The following MEMO1 variants were observed in gnomAD, a reference collection of about 807,000 sequenced individuals.
MEMO1 encodes the protein protein MEMO1.
In MEMO1, 6 loss-of-function variants were observed where a neutral mutation model predicts 45.2. The ratio of observed to expected loss-of-function variants is 0.13; its 90% CI spans 0.07 to 0.26. The LOEUF (loss-of-function observed/expected upper bound fraction) is 0.26, where lower values mean the gene tolerates loss of function less well. Among genes scored for constraint, MEMO1 ranks in the 10% least tolerant of loss-of-function variants. MEMO1 has a pLI of 1.00. For synonymous variants in MEMO1, 78 were observed against 124.3 expected, an observed-to-expected ratio of 0.63 and a Z score of 2.48; for missense variants, 184 against 370.5, an observed-to-expected ratio of 0.50 and a Z score of 4.13.
intron 2 of MEMO1, among the ~76,000 whole-genome samples, chr2:31,945,768 A>G (rs1666124284): frequency 6.6e-6 from 1 of 152,202 alleles, no homozygotes; most frequent in South Asian, 2.1e-4. Flanking sequence ...GTAAAATTAC[A>G]TCCTGTCATA....
At chr2:31,961,729 G>T (rs967732339) in intron 2 of MEMO1, among the ~76,000 whole-genome samples, 1 of 151,864 alleles carries the variant, frequency 6.6e-6, no homozygotes, top group African/African-American at 2.4e-5. Context: ...AGTGACCCAA[G>T]ATCGTGCTAC....
chr2:32,009,934 C>A (rs1674622063), intron 2 of MEMO1, among the ~76,000 whole-genome samples: 1 of 151,756 alleles, frequency 6.6e-6, no homozygotes, highest in South Asian at 2.1e-4. Context: ...GGCAACTCTC[C>A]CTCTCGCCCA....
intron 5 of MEMO1, among the ~76,000 whole-genome samples, chr2:31,920,469 C>G (rs180703676): frequency 6.6e-6 from 1 of 152,130 alleles, no homozygotes; most frequent in Non-Finnish European, 1.5e-5. Flanking sequence ...AATTAACACG[C>G]CCAGAATCTT....
intron 6 of MEMO1, among the ~76,000 whole-genome samples, chr2:31,903,809 A>C (rs1334706199): frequency 6.6e-6 from 1 of 152,218 alleles, no homozygotes; most frequent in Non-Finnish European, 1.5e-5. Context: ...TATAAAAGTC[A>C]CAGAAAAAGA....
At chr2:31,925,499 A>AAAAAAAC (rs1558507966) in intron 4 of MEMO1, among the ~76,000 whole-genome samples, 2 of 149,376 alleles carry the variant, frequency 1.3e-5, no homozygotes, top group African/African-American at 4.9e-5. Context: ...AAAAAAAAAA[A>AAAAAAAC]TCTGTTCCCG....
Position 31,869,860 on chromosome 2 carries a change from C to G in MEMO1, c.750G>C (p.Gly250=), listed in dbSNP as rs772895432. ...TAAGGATACTCACATTTAATAACACCCCAATGGGATGTCTTCCACATATAG... is the reference window on the plus strand; with the variant it reads ...TAAGGATACTCACATTTAATAACACGCCAATGGGATGTCTTCCACATATAG... The part of the protein sequence containing the change: ...HNTICGRHPI[G]VLLNAITELQ... The change falls in exon 9 of 10, where the codon GGG becomes GGC. Residue 250 remains glycine (G), a synonymous_variant. Transcript: ENST00000404530. 1 of 1,575,954 alleles carries G rather than the reference C, an allele frequency of 6.3e-7. No individual in the cohort carries two copies. The highest frequency in any genetic ancestry group is 8.6e-7 in the Non-Finnish European group (1 of 1,167,736).
At chr2:31,970,339 T>C (rs190702135) in intron 2 of MEMO1, among the ~76,000 whole-genome samples, 1 of 152,298 alleles carries the variant, frequency 6.6e-6, no homozygotes, top group East Asian at 1.9e-4. Context: ...CACGACAATT[T>C]TACGTTTGCT....
chr2:31,929,747 A>G (rs1683668819), intron 4 of MEMO1, among the ~76,000 whole-genome samples: 1 of 152,222 alleles, frequency 6.6e-6, no homozygotes, highest in South Asian at 2.1e-4. Flanking sequence ...ACAAAAATGG[A>G]TTAATGTGGA....
chr2:31,896,426 G>C (rs1227324186), intron 6 of MEMO1, among the ~76,000 whole-genome samples: 1 of 152,156 alleles, frequency 6.6e-6, no homozygotes, highest in Non-Finnish European at 1.5e-5. Context: ...TATAGCAACT[G>C]CTCAACAGTT....
At position 31,892,148 on chromosome 2, in the gene MEMO1, G is replaced by GA. The variant is rs751196597; in HGVS notation, c.438-15dup. 103,790 of 934,580 alleles carry GA rather than the reference G, an allele frequency of 0.11. 14 individuals are homozygous for GA. Among genetic ancestry groups the GA allele is most frequent in the South Asian group, 0.12 (6,171 of 49,600 alleles). The allele number at this position is 934,580 out of a possible 1,614,324, so 57.9% of individuals were successfully genotyped here. A position where few individuals can be genotyped will look rare whatever the true frequency, so the allele number is the denominator to read the frequency against. ...TCATCCTTATGGCTTAAAGAAAACA[G>GA]AAAAAAAAAAAATGTCATTTAAGAT... On this transcript the variant is annotated splice_polypyrimidine_tract_variant and intron_variant, in intron 6 of 9. Coordinates refer to ENST00000404530, the MANE Select transcript of MEMO1 (RefSeq NM_001301833.4).
chr2:31,935,580 C>T (rs1457944951), intron 3 of MEMO1, among the ~76,000 whole-genome samples: 4 of 151,928 alleles, frequency 2.6e-5, no homozygotes, highest in Non-Finnish European at 5.9e-5. Context: ...GTGCACTGTG[C>T]CTCTTTACCC....
At chr2:31,870,791 T>C (rs1425125125) in intron 8 of MEMO1, among the ~76,000 whole-genome samples, 1 of 152,188 alleles carries the variant, frequency 6.6e-6, no homozygotes, top group Non-Finnish European at 1.5e-5. Flanking sequence ...TTGGCCAGGC[T>C]GGTCTTGAAC....
chr2:31,927,555 T>C (rs1274841842), intron 4 of MEMO1, among the ~76,000 whole-genome samples: 3 of 151,232 alleles, frequency 2.0e-5, no homozygotes, highest in South Asian at 4.2e-4. Flanking sequence ...TAACCAGATA[T>C]GAAAACATAG....
intron 3 of MEMO1, among the ~76,000 whole-genome samples, chr2:31,933,351 T>TAAAAAAAAA (rs869274123): frequency 6.7e-5 from 3 of 45,088 alleles, no homozygotes; most frequent in African/African-American, 8.8e-5. Flanking sequence ...AAAAAAAAAT[T>TAAAAAAAAA]TATATATATA....
intron 2 of MEMO1, among the ~76,000 whole-genome samples, chr2:31,968,787 T>C (rs1248023390): frequency 6.6e-6 from 1 of 152,206 alleles, no homozygotes; most frequent in Non-Finnish European, 1.5e-5. Flanking sequence ...TTGTTGTCCA[T>C]CATAGATGGA....
chr2:31,989,508 T>C (rs567341397), intron 2 of MEMO1, among the ~76,000 whole-genome samples: 5 of 152,284 alleles, frequency 3.3e-5, no homozygotes, highest in African/African-American at 1.2e-4. Context: ...GACTAATGCA[T>C]GATGTTTGAA....
At chr2:31,925,150 T>C (rs1036485869) in intron 4 of MEMO1, among the ~76,000 whole-genome samples, 2 of 152,144 alleles carry the variant, frequency 1.3e-5, no homozygotes, top group African/African-American at 2.4e-5. Context: ...ACCCATGCTA[T>C]TGTTCCCCAT....
chr2:32,000,603 T>C (rs1673174434), intron 2 of MEMO1, among the ~76,000 whole-genome samples: 1 of 151,878 alleles, frequency 6.6e-6, no homozygotes, highest in East Asian at 1.9e-4. Flanking sequence ...TGACCTCAAG[T>C]GATCCGCCCT....
intron 6 of MEMO1, among the ~76,000 whole-genome samples, chr2:31,913,217 T>C (rs1680869199): frequency 8.0e-6 from 1 of 124,334 alleles, no homozygotes; most frequent in African/African-American, 3.2e-5. Context: ...TGAGCCATGA[T>C]CCAGCCTGGT....
Sources: gnomAD v4.1 joint callset for allele counts (sites outside exome capture counted in the v4.1 genomes callset) on GRCh38, gnomAD v4.1.1 for gene constraint, MANE v1.5 for transcripts, NCBI Gene and HGNC (gene_info 2026-07-23, HGNC 2026-07-21) for gene names.